The following CNTN5 variants were observed in gnomAD, a reference collection of about 807,000 sequenced individuals.
CNTN5 encodes the protein contactin-5.
CNTN5 carries 77 observed loss-of-function variants against 129.1 expected under a neutral mutation model. That is an observed-to-expected ratio of 0.60 (90% confidence interval 0.50 to 0.72). The LOEUF (loss-of-function observed/expected upper bound fraction) is 0.72. Ranked by LOEUF, CNTN5 falls within the 30% of genes least tolerant of loss-of-function variation. The probability of loss-of-function intolerance (pLI) is 0.00; values close to 1 mark genes in which losing one functional copy is unlikely to be tolerated. For missense variants in CNTN5, 1,478 were observed against 1,328.8 expected (o/e 1.11, Z -1.75); for synonymous variants, 509 against 465.6 (o/e 1.09, Z -1.20).
intron 3 of CNTN5, among the ~76,000 whole-genome samples, chr11:99,773,392 G>C (rs114842665): frequency 4.7e-4 from 72 of 152,144 alleles, no homozygotes; most frequent in African/African-American, 1.7e-3. Context: ...TAAAGATCTT[G>C]TTCATATTTT....
At chr11:99,115,769 C>T (rs1343114785) in intron 1 of CNTN5, among the ~76,000 whole-genome samples, 1 of 151,658 alleles carries the variant, frequency 6.6e-6, no homozygotes, top group Non-Finnish European at 1.5e-5. Flanking sequence ...TCAAAGGGAA[C>T]AACAACAACA....
At chr11:100,337,554 T>C in intron 21 of CNTN5, 2 of 744,474 alleles carry the variant, frequency 2.7e-6, no homozygotes, top group Admixed American at 3.5e-5. Flanking sequence ...AGCTGTGGAT[T>C]TTCTGAGCAA....
chr11:99,957,311 T>C (rs2136172576), intron 8 of CNTN5, among the ~76,000 whole-genome samples: 1 of 152,350 alleles, frequency 6.6e-6, no homozygotes, highest in South Asian at 2.1e-4. Flanking sequence ...TCCTTTGCTC[T>C]TCAGTGCCTC....
At chr11:99,488,484 A>G (rs1945909471) in intron 2 of CNTN5, among the ~76,000 whole-genome samples, 1 of 152,142 alleles carries the variant, frequency 6.6e-6, no homozygotes. Context: ...TCCAGGCTCC[A>G]GAATCCTTCT....
intron 18 of CNTN5, among the ~76,000 whole-genome samples, chr11:100,283,589 T>G (rs1486158100): frequency 6.6e-6 from 1 of 152,182 alleles, no homozygotes; most frequent in Non-Finnish European, 1.5e-5. Flanking sequence ...GTGGTGAGGC[T>G]TTCAGGAATT....
At chr11:100,335,931 A>G (rs1282741416) in intron 21 of CNTN5, among the ~76,000 whole-genome samples, 1 of 152,170 alleles carries the variant, frequency 6.6e-6, no homozygotes, top group Non-Finnish European at 1.5e-5. Context: ...CCAAAATAAT[A>G]TGAAGGATTA....
At position 99,737,144 on chromosome 11, in the gene CNTN5, AACACAC is replaced by A. The variant is rs138644247; in HGVS notation, c.56-82387_56-82382del. Among the ~76,000 whole-genome samples the A allele has an allele frequency of 3.7e-3, 535 of 143,256 alleles. 3 individuals carry two copies. Among genetic ancestry groups the A allele is most frequent in the Non-Finnish European group, 4.7e-3 (315 of 66,696 alleles). The allele number at this position is 143,256 out of a possible 152,430, so 94.0% of individuals were successfully genotyped here. A position where few individuals can be genotyped will look rare whatever the true frequency, so the allele number is the denominator to read the frequency against. On this transcript the variant is annotated intron_variant, in intron 3 of 24. Transcript: ENST00000524871. ...TGTAACACACATGCACACACACACA[AACACAC>A]ACACACACACACGCACACGCACACA...
rs375763960 is a variant in CNTN5, at chr11:99,584,533, A to G, written c.55+28264A>G. Among the ~76,000 whole-genome samples the G allele has an allele frequency of 2.2e-4, 34 of 152,356 alleles. 1 individual carries two copies. In the South Asian group the frequency reaches 6.6e-3, roughly 30 times the overall value. ...TGAGAAAATTCGGGAGCCATGGCTTACACATGGCACTAGCAACTGTATTAA... is the reference window on the plus strand; with the variant it reads ...TGAGAAAATTCGGGAGCCATGGCTTGCACATGGCACTAGCAACTGTATTAA... On this transcript the variant is annotated intron_variant, in intron 3 of 24. Transcript: ENST00000524871.
intron 6 of CNTN5, among the ~76,000 whole-genome samples, chr11:99,890,653 T>G (rs1382277883): frequency 6.6e-6 from 1 of 152,086 alleles, no homozygotes; most frequent in African/African-American, 2.4e-5. Context: ...CCAAATAATT[T>G]TTGAAGATAC....
At chr11:99,550,283 G>A (rs1316903309) in intron 2 of CNTN5, among the ~76,000 whole-genome samples, 4 of 151,960 alleles carry the variant, frequency 2.6e-5, no homozygotes, top group African/African-American at 4.8e-5. Context: ...TTGCTGCTTG[G>A]TCCTCAAAAG....
chr11:99,745,619 C>G (rs1944029595), intron 3 of CNTN5, among the ~76,000 whole-genome samples: 1 of 152,088 alleles, frequency 6.6e-6, no homozygotes, highest in Non-Finnish European at 1.5e-5. Context: ...ATGATTGATA[C>G]TTTATTTTTA....
chr11:99,537,318 C>G (rs961724337), intron 2 of CNTN5, among the ~76,000 whole-genome samples: 4 of 152,084 alleles, frequency 2.6e-5, no homozygotes, highest in African/African-American at 9.7e-5. Flanking sequence ...GCAAATAAAT[C>G]GTCTTAATGA....
intron 1 of CNTN5, among the ~76,000 whole-genome samples, chr11:99,199,987 A>G (rs1248219560): frequency 1.3e-5 from 2 of 152,080 alleles, no homozygotes; most frequent in Admixed American, 1.3e-4. Flanking sequence ...CATCATCATC[A>G]TCATCATCAG....
chr11:99,329,591 C>T (rs183208985), intron 2 of CNTN5, among the ~76,000 whole-genome samples: 3 of 152,218 alleles, frequency 2.0e-5, no homozygotes, highest in Admixed American at 2.0e-4. Flanking sequence ...GTTCATCTCT[C>T]TGCGCTAAGC....
chr11:99,047,691 A>G (rs977095328), intron 1 of CNTN5, among the ~76,000 whole-genome samples: 5 of 152,250 alleles, frequency 3.3e-5, no homozygotes, highest in Admixed American at 3.3e-4. Flanking sequence ...ATTTTACTCT[A>G]TTAATCAGAA....
At chr11:99,951,034 T>C (rs985146055) in intron 7 of CNTN5, among the ~76,000 whole-genome samples, 1 of 152,166 alleles carries the variant, frequency 6.6e-6, no homozygotes, top group Admixed American at 6.5e-5. Context: ...ACATGAAATA[T>C]TGCATTTAAC....
intron 2 of CNTN5, among the ~76,000 whole-genome samples, chr11:99,496,958 A>G (rs1946249526): frequency 6.6e-6 from 1 of 152,252 alleles, no homozygotes; most frequent in South Asian, 2.1e-4. Flanking sequence ...GTCGGCCAGA[A>G]TTCAAGTATA....
At chr11:99,196,636 AGT>A (rs1452057193) in intron 1 of CNTN5, among the ~76,000 whole-genome samples, 1 of 151,906 alleles carries the variant, frequency 6.6e-6, no homozygotes, top group East Asian at 1.9e-4. Context: ...CCATATATGC[AGT>A]GTTTTTTTCC....
At chr11:99,409,198 C>T (rs1942272980) in intron 2 of CNTN5, among the ~76,000 whole-genome samples, 1 of 152,222 alleles carries the variant, frequency 6.6e-6, no homozygotes, top group Admixed American at 6.5e-5. Context: ...GGCACGATGG[C>T]TCAGGCCCGT....
Sources: gnomAD v4.1 joint callset for allele counts (sites outside exome capture counted in the v4.1 genomes callset) on GRCh38, gnomAD v4.1.1 for gene constraint, MANE v1.5 for transcripts, NCBI Gene and HGNC (gene_info 2026-07-23, HGNC 2026-07-21) for gene names.